NCK2: variants seen among roughly 807,000 people sequenced by gnomAD.
The protein encoded by NCK2 is cytoplasmic protein NCK2.
In NCK2, 16 loss-of-function variants were observed where a neutral mutation model predicts 33.9. The ratio of observed to expected loss-of-function variants is 0.47; its 90% CI spans 0.32 to 0.72. The LOEUF (loss-of-function observed/expected upper bound fraction) is 0.72. Ranked by LOEUF, NCK2 falls within the 30% of genes least tolerant of loss-of-function variation. NCK2 has a pLI of 0.03. For missense variants in NCK2, 418 were observed against 537.3 expected (o/e 0.78, Z 2.19); for synonymous variants, 273 against 239.9 (o/e 1.14, Z -1.27).
intron 3 of NCK2, 76 bp downstream of exon 3, chr2:105,855,365 G>T (rs1677218071): frequency 2.0e-5 from 18 of 903,966 alleles, no homozygotes; most frequent in South Asian, 4.9e-5. Context: ...TTAGTTTGCT[G>T]TTTCAAAAAA....
At chr2:105,879,827 C>A (rs961360239) in intron 3 of NCK2, among the ~76,000 whole-genome samples, 5 of 152,224 alleles carry the variant, frequency 3.3e-5, no homozygotes, top group African/African-American at 9.6e-5. Context: ...GCCCTTTACT[C>A]TAGTTTAAGG....
intron 1 of NCK2, among the ~76,000 whole-genome samples, chr2:105,811,567 T>C (rs1170548300): frequency 6.6e-6 from 1 of 152,182 alleles, no homozygotes; most frequent in African/African-American, 2.4e-5. Flanking sequence ...TTAAGGAGCA[T>C]CTGAGTCCCT....
At chr2:105,836,510 G>A (rs1019248553) in intron 2 of NCK2, among the ~76,000 whole-genome samples, 6 of 152,190 alleles carry the variant, frequency 3.9e-5, no homozygotes, top group Non-Finnish European at 7.3e-5. Flanking sequence ...CTGCGTATGT[G>A]GCAGCTTACT....
At chr2:105,747,290 C>A (rs1471998313) in intron 1 of NCK2, among the ~76,000 whole-genome samples, 1 of 152,194 alleles carries the variant, frequency 6.6e-6, no homozygotes, top group Non-Finnish European at 1.5e-5. Context: ...AAATGCACTA[C>A]CATCCATATT....
intron 3 of NCK2, among the ~76,000 whole-genome samples, chr2:105,871,319 C>G (rs886691066): frequency 6.6e-6 from 1 of 151,690 alleles, no homozygotes; most frequent in Non-Finnish European, 1.5e-5. Flanking sequence ...TGCTGTCAGG[C>G]GCTGCGCCAC....
Position 105,881,863 on chromosome 2 carries a change from C to T in NCK2, c.762C>T (p.Val254=), listed in dbSNP as rs781442001. ...VGLVPKNYVV[V]LSDGPALHPA... is the part of the protein sequence containing the mutation. ...TCGTCCCCAAAAACTACGTGGTGGT[C>T]CTCAGTGACGGGCCTGCCCTGCACC... Residue 254 remains valine (V), a synonymous_variant, in exon 4 of 5, where the codon GTC becomes GTT. Transcript: ENST00000233154. 6.3e-7 allele frequency: 1 copy of T among 1,589,378 alleles called. No individual in the cohort carries two copies. The highest frequency in any genetic ancestry group is 1.7e-5 in the Admixed American group (1 of 58,200).
At chr2:105,751,172 T>G (rs2104328917) in intron 1 of NCK2, among the ~76,000 whole-genome samples, 1 of 152,280 alleles carries the variant, frequency 6.6e-6, no homozygotes, top group South Asian at 2.1e-4. Context: ...CCCAAACCAT[T>G]TGCAGCTTCT....
intron 2 of NCK2, among the ~76,000 whole-genome samples, chr2:105,835,413 A>T (rs1235781675): frequency 1.2e-5 from 1 of 81,014 alleles, no homozygotes; most frequent in African/African-American, 3.4e-5. Flanking sequence ...ATACGTGTAT[A>T]TATATATATA....
At chr2:105,799,242 A>G (rs949090078) in intron 1 of NCK2, among the ~76,000 whole-genome samples, 1 of 148,260 alleles carries the variant, frequency 6.7e-6, no homozygotes, top group African/African-American at 2.5e-5. Context: ...TCCCTCTTTT[A>G]TGGTTTCTGG....
intron 1 of NCK2, among the ~76,000 whole-genome samples, chr2:105,802,834 G>C (rs1674893102): frequency 1.3e-5 from 2 of 151,910 alleles, no homozygotes; most frequent in Admixed American, 6.6e-5. Flanking sequence ...GATGATGACT[G>C]ATCATCTGGA....
At chr2:105,748,572 T>G (rs1689361816) in intron 1 of NCK2, among the ~76,000 whole-genome samples, 1 of 151,826 alleles carries the variant, frequency 6.6e-6, no homozygotes, top group Non-Finnish European at 1.5e-5. Context: ...CAGTGAATTT[T>G]TTTATTTTTA....
At chr2:105,842,602 A>C (rs746819868) in intron 2 of NCK2, among the ~76,000 whole-genome samples, 4 of 152,040 alleles carry the variant, frequency 2.6e-5, no homozygotes, top group African/African-American at 9.7e-5. Flanking sequence ...CTGACTCTTG[A>C]GTTATAGCCA....
chr2:105,783,396 G>T (rs1690565893), intron 1 of NCK2, among the ~76,000 whole-genome samples: 1 of 152,094 alleles, frequency 6.6e-6, no homozygotes, highest in Non-Finnish European at 1.5e-5. Flanking sequence ...CGTGTTCTGG[G>T]GTAGCACCGT....
intron 4 of NCK2, among the ~76,000 whole-genome samples, chr2:105,887,059 C>T (rs1401765752): frequency 6.6e-6 from 1 of 152,156 alleles, no homozygotes; most frequent in Non-Finnish European, 1.5e-5. Context: ...AAGAGATAAT[C>T]TGATGTAAAA....
At position 105,788,682 on chromosome 2, in the gene NCK2, A is replaced by G. The variant is rs541756280; in HGVS notation, c.-200-27748A>G. ...TAAGTGCCTTCTCCTAGAGTTTTCT[A>G]TTTTTTTGTTTTCTTTCAATATGCT... On this transcript the variant is annotated intron_variant, in intron 1 of 4. Transcript: ENST00000233154. 7.2e-5 allele frequency among the ~76,000 whole-genome samples: 11 copies of G among 152,088 alleles called. No homozygotes were observed. The South Asian group carries it at 1.5e-3, about 20-fold the overall frequency.
chr2:105,836,961 G>A (rs932039585), intron 2 of NCK2, among the ~76,000 whole-genome samples: 2 of 152,180 alleles, frequency 1.3e-5, no homozygotes, highest in African/African-American at 4.8e-5. Flanking sequence ...GGCCTATGAT[G>A]GCTCTGGCTA....
chr2:105,759,417 T>G (rs1446203228), intron 1 of NCK2, among the ~76,000 whole-genome samples: 1 of 152,222 alleles, frequency 6.6e-6, no homozygotes, highest in African/African-American at 2.4e-5. Context: ...CAAAGTGTAA[T>G]TTGTTATTGT....
intron 1 of NCK2, among the ~76,000 whole-genome samples, chr2:105,777,121 G>A (rs763268706): frequency 6.6e-6 from 1 of 151,998 alleles, no homozygotes; most frequent in South Asian, 2.1e-4. Flanking sequence ...TGCTGCCGCC[G>A]AGCAGGAATT....
chr2:105,868,570 T>G (rs1238583024), intron 3 of NCK2, among the ~76,000 whole-genome samples: 1 of 152,220 alleles, frequency 6.6e-6, no homozygotes, highest in African/African-American at 2.4e-5. Context: ...AACATGCAGT[T>G]CGTTCTAATG....
Sources: gnomAD v4.1 joint callset for allele counts (sites outside exome capture counted in the v4.1 genomes callset) on GRCh38, gnomAD v4.1.1 for gene constraint, MANE v1.5 for transcripts, NCBI Gene and HGNC (gene_info 2026-07-23, HGNC 2026-07-21) for gene names.